The following ZNF131 variants were observed in gnomAD, a reference collection of about 807,000 sequenced individuals.
ZNF131 encodes the protein zinc finger protein 131.
In ZNF131, 7 loss-of-function variants were observed where a neutral mutation model predicts 60.0. That is an observed-to-expected ratio of 0.12 (90% confidence interval 0.07 to 0.22). ZNF131 has a LOEUF of 0.22. ZNF131 is among the 10% of genes least tolerant of loss of function. The probability of loss-of-function intolerance (pLI) is 1.00; values close to 1 mark genes in which losing one functional copy is unlikely to be tolerated. For missense variants in ZNF131, 493 were observed against 740.9 expected, an observed-to-expected ratio of 0.67 and a Z score of 3.88; for synonymous variants, 257 against 253.2, an observed-to-expected ratio of 1.01 and a Z score of -0.14.
intron 3 of ZNF131, among the ~76,000 whole-genome samples, chr5:43,133,124 T>G (rs1037542276): frequency 6.6e-6 from 1 of 152,140 alleles, no homozygotes; most frequent in African/African-American, 2.4e-5. Flanking sequence ...AGGACTAAAT[T>G]TTAAACACAA....
intron 4 of ZNF131, among the ~76,000 whole-genome samples, chr5:43,147,630 C>T (rs950310790): frequency 1.3e-5 from 2 of 151,226 alleles, no homozygotes; most frequent in Non-Finnish European, 3.0e-5. Context: ...ACATCTTGGC[C>T]AGGCTGTTTC....
chr5:43,156,547 A>ACTAAACAAACCTCCAGTGTTTT (rs1748985720), intron 4 of ZNF131, among the ~76,000 whole-genome samples: 1 of 152,200 alleles, frequency 6.6e-6, no homozygotes, highest in Non-Finnish European at 1.5e-5. Flanking sequence ...ACGTGGCTTG[A>ACTAAACAAACCTCCAGTGTTTT]CTAAACAAAC....
Position 43,174,479 on chromosome 5 carries a change from G to C in ZNF131, c.1218G>C (p.Gln406His). Residue 406 changes from glutamine to histidine, a missense_variant, in exon 7 of 7, where the codon CAG (glutamine) becomes CAC (histidine). This residue lies in a region of ZNF131 where 33 missense variants were observed against 67.9 expected (regional missense o/e 0.49). Transcript: ENST00000682664. ...ACAGTGTGTTTAACAGCTGGGACCAGTTCAAAGATCACTTGGTAATACACA... is the reference window on the plus strand; with the variant it reads ...ACAGTGTGTTTAACAGCTGGGACCACTTCAAAGATCACTTGGTAATACACA... ...VCNSVFNSWD[Q>H]FKDHLVIHTG... 6.5e-7 allele frequency: 1 copy of C among 1,545,448 alleles called. No homozygotes were observed. The highest frequency in any genetic ancestry group is 1.9e-5 in the Admixed American group (1 of 51,316).
At chr5:43,139,037 T>C in intron 3 of ZNF131, 128 bp from the exon 4 acceptor site, 1 of 796,132 alleles carries the variant, frequency 1.3e-6, no homozygotes, top group Non-Finnish European at 1.8e-6. Context: ...AATGAGAATT[T>C]TTCCAGAAAA....
intron 4 of ZNF131, among the ~76,000 whole-genome samples, chr5:43,160,003 C>T (rs1422081719): frequency 6.6e-6 from 1 of 151,914 alleles, no homozygotes; most frequent in African/African-American, 2.4e-5. Flanking sequence ...GGTGAAACCC[C>T]ATCTCTACTA....
intron 5 of ZNF131, chr5:43,167,859 G>C (rs549629247): frequency 1.6e-5 from 6 of 385,000 alleles, no homozygotes; most frequent in Non-Finnish European, 3.1e-5. Context: ...TGATATCTTA[G>C]TCTGTTCTGT....
At chr5:43,124,237 C>T (rs1383147197) in intron 3 of ZNF131, 1 of 152,168 alleles carries the variant, frequency 6.6e-6, no homozygotes, top group East Asian at 1.9e-4. Context: ...CATGCTTTTT[C>T]TTCTGCTACT....
intron 4 of ZNF131, among the ~76,000 whole-genome samples, chr5:43,149,786 G>A (rs1043237820): frequency 6.7e-6 from 1 of 148,772 alleles, no homozygotes. Flanking sequence ...TAATGGTGTT[G>A]GATATTTTTT....
intron 3 of ZNF131, among the ~76,000 whole-genome samples, chr5:43,131,962 C>G (rs550122296): frequency 1.3e-5 from 2 of 152,074 alleles, no homozygotes; most frequent in South Asian, 4.2e-4. Context: ...TTGTCATAGA[C>G]TTAGGAGTCA....
chr5:43,147,409 TTTTATTTA>T (rs145929026), intron 4 of ZNF131, among the ~76,000 whole-genome samples: 1 of 150,988 alleles, frequency 6.6e-6, no homozygotes, highest in Non-Finnish European at 1.5e-5. Flanking sequence ...TTTTATTTTA[TTTTATTTA>T]TTTATTTATT....
chr5:43,159,556 A>G (rs1365350439), intron 4 of ZNF131, among the ~76,000 whole-genome samples: 1 of 151,978 alleles, frequency 6.6e-6, no homozygotes, highest in Non-Finnish European at 1.5e-5. Flanking sequence ...TTAGGCGGGC[A>G]TGGTGGCAGG....
At chr5:43,126,809 G>T (rs1241673918) in intron 3 of ZNF131, among the ~76,000 whole-genome samples, 5 of 152,162 alleles carry the variant, frequency 3.3e-5, no homozygotes, top group Non-Finnish European at 7.3e-5. Flanking sequence ...ATTGGGGCTT[G>T]CTTTGAGGCA....
intron 5 of ZNF131, among the ~76,000 whole-genome samples, chr5:43,171,173 C>T (rs1426206380): frequency 1.3e-5 from 2 of 152,008 alleles, no homozygotes; most frequent in African/African-American, 2.4e-5. Context: ...GTCTCCAACT[C>T]CTGACCTCAC....
intron 4 of ZNF131, among the ~76,000 whole-genome samples, chr5:43,153,807 C>T (rs1003180654): frequency 3.3e-5 from 5 of 152,130 alleles, no homozygotes; most frequent in Non-Finnish European, 7.3e-5. Context: ...CTGCTTTACT[C>T]AGATTTTTGG....
At chr5:43,160,332 G>A (rs1207335936) in intron 4 of ZNF131, among the ~76,000 whole-genome samples, 1 of 151,668 alleles carries the variant, frequency 6.6e-6, no homozygotes, top group East Asian at 1.9e-4. Context: ...GTGAGACCTC[G>A]ATTCTATCAA....
intron 6 of ZNF131, among the ~76,000 whole-genome samples, 154 bp downstream of exon 6, chr5:43,173,602 T>G (rs1687680974): frequency 6.6e-6 from 1 of 152,144 alleles, no homozygotes; most frequent in Non-Finnish European, 1.5e-5. Context: ...GGGGACTAAA[T>G]TAGTTTTTTT....
At chr5:43,149,118 A>G (rs1468434643) in intron 4 of ZNF131, among the ~76,000 whole-genome samples, 1 of 152,204 alleles carries the variant, frequency 6.6e-6, no homozygotes, top group Admixed American at 6.5e-5. Flanking sequence ...CGTCTGTACA[A>G]AAATTAGCTG....
At chr5:43,170,261 T>C (rs1274047313) in intron 5 of ZNF131, among the ~76,000 whole-genome samples, 1 of 152,230 alleles carries the variant, frequency 6.6e-6, no homozygotes, top group Non-Finnish European at 1.5e-5. Flanking sequence ...TTCTCTCAAA[T>C]TAACTTTTCA....
In ZNF131 at chr5:43,176,041, A is replaced by G. The variant is rs1177997695; in HGVS notation, c.*908A>G. On this transcript the variant is annotated 3_prime_UTR_variant, in exon 7 of 7. Transcript: ENST00000682664. ...ATGAGCAGCATTTAAAAATTAATGT[A>G]TTTAAAATAAAGTACAGAGAAAGAC... The G allele has an allele frequency of 6.6e-6, 1 of 152,290 alleles. No individual in the cohort carries two copies. The highest frequency in any genetic ancestry group is 1.5e-5 in the Non-Finnish European group (1 of 68,106). The allele number at this position is 152,290 out of a possible 1,614,324, so 9.4% of individuals were successfully genotyped here. A position where few individuals can be genotyped will look rare whatever the true frequency, so the allele number is the denominator to read the frequency against.
Sources: gnomAD v4.1 joint callset for allele counts (sites outside exome capture counted in the v4.1 genomes callset) on GRCh38, gnomAD v4.1.1 for gene constraint, gnomAD v4.1.1 regional missense constraint, MANE v1.5 for transcripts, NCBI Gene and HGNC (gene_info 2026-07-23, HGNC 2026-07-21) for gene names.